Variants in ANGPTL7 observed in about 807,000 individuals in gnomAD.
The protein encoded by ANGPTL7 is angiopoietin like 7, also known as angiopoietin-related protein 7.
Under a neutral mutation model 38.8 loss-of-function variants are expected in ANGPTL7, and 37 were observed. That is an observed-to-expected ratio of 0.95 (90% CI 0.73 to 1.25). The LOEUF is 1.25. ANGPTL7 is among the 50% of genes most tolerant of loss of function. The pLI, the probability that ANGPTL7 is intolerant of heterozygous loss-of-function variation, is 0.00. For missense variants in ANGPTL7, 427 were observed against 438.6 expected (o/e 0.97, Z 0.24); for synonymous variants, 166 against 163.2 (o/e 1.02, Z -0.13).
Position 11,189,867 on chromosome 1 carries a change from A to G in ANGPTL7, c.288A>G (p.Thr96=). Residue 96 remains threonine, a synonymous_variant, in exon 1 of 5, where the codon ACA becomes ACG. Transcript: ENST00000376819. ...GCAAGCGCATGGAGTCGCGGCTCAC[A>G]GATGCTGAGAGCAAGTACTCCGAGA... ...SNSKRMESRL[T]DAESKYSEMN... 1 of 1,614,202 alleles carries G rather than the reference A, an allele frequency of 6.2e-7. No homozygotes were observed. The highest frequency in any genetic ancestry group is 1.1e-5 in the South Asian group (1 of 91,084).
rs562077131 is a variant in ANGPTL7, at chr1:11,195,420, G to A, written c.*397G>A. On this transcript the variant is annotated 3_prime_UTR_variant, in exon 5 of 5. Coordinates refer to ENST00000376819, the MANE Select transcript of ANGPTL7 (RefSeq NM_021146.4). ...AAAACACAAATCCCTTTGCTAAAAA[G>A]AACCATATTATTTTGATTCTCAAAG... The A allele has an allele frequency of 5.9e-4, 97 of 164,720 alleles. No homozygotes were observed. Among genetic ancestry groups the A allele is most frequent in the Non-Finnish European group, 1.1e-3 (82 of 75,684 alleles). The allele number at this position is 164,720 out of a possible 1,614,324, so 10.2% of individuals were successfully genotyped here. A position where few individuals can be genotyped will look rare whatever the true frequency, so the allele number is the denominator to read the frequency against.
At chr1:11,191,283 T>TA (rs1645520925) in intron 1 of ANGPTL7, among the ~76,000 whole-genome samples, 1 of 152,200 alleles carries the variant, frequency 6.6e-6, no homozygotes, top group Non-Finnish European at 1.5e-5. Context: ...TATAAGTAGG[T>TA]AGTCCCTTAG....
In ANGPTL7 at chr1:11,194,590, A is replaced by G; in HGVS notation, c.802A>G (p.Asn268Asp). The change falls in exon 4 of 5, where the codon AAC (asparagine) becomes GAC (aspartate). Residue 268 changes from asparagine (N) to aspartate (D), a missense_variant. Coordinates refer to ENST00000376819, the MANE Select transcript of ANGPTL7 (RefSeq NM_021146.4). ...VGNDALQYHN[N>D]TAFSTKDKDN... is the part of the protein sequence containing the mutation. ...GAACGACGCCCTCCAGTATCATAAC[A>G]ACACAGCCTTCAGCACCAAGGACAA... 1 of 1,614,198 alleles carries G rather than the reference A, an allele frequency of 6.2e-7. No homozygotes were observed. Among genetic ancestry groups the G allele is most frequent in the Non-Finnish European group, 8.5e-7 (1 of 1,180,026 alleles).
chr1:11,193,746 A>C lies in ANGPTL7; in HGVS notation c.644A>C (p.Gln215Pro). 3 of 1,614,138 alleles carry C rather than the reference A, an allele frequency of 1.9e-6. No homozygotes were observed. Among genetic ancestry groups the C allele is most frequent in the Non-Finnish European group, 1.7e-6 (2 of 1,180,008 alleles). ...GNEHIHRLSR[Q>P]PTRLRVEMED... ...GAACACATCCACCGGCTCTCCAGAC[A>C]GCCAACCCGGCTGCGTGTAGAGATG... The change falls in exon 3 of 5, where the codon CAG (glutamine) becomes CCG (proline). Residue 215 changes from glutamine to proline, a missense_variant. Gln to Pro is a moderately conservative substitution (Grantham distance 76). Transcript: ENST00000376819.
chr1:11,194,667 T>G lies in ANGPTL7; in HGVS notation c.871+8T>G. 1.2e-6 allele frequency: 2 copies of G among 1,614,024 alleles called. No homozygotes were observed. Among genetic ancestry groups the G allele is most frequent in the Non-Finnish European group, 1.7e-6 (2 of 1,179,972 alleles). On this transcript the variant is annotated splice_region_variant and intron_variant, in intron 4 of 4. Coordinates refer to ENST00000376819, the MANE Select transcript of ANGPTL7 (RefSeq NM_021146.4). ...GTGCACAGCTCCGCAAAGGTGAGAT[T>G]TGGGGGGACCGGAAAGGAGAAGTTC... is the stretch of plus-strand genomic sequence containing the variant.
Position 11,194,996 on chromosome 1 carries a change from A to T in ANGPTL7, c.1014A>T (p.Lys338Asn), listed in dbSNP as rs1452885551. The T allele has an allele frequency of 1.2e-6, 2 of 1,613,946 alleles. No individual in the cohort carries two copies. Among genetic ancestry groups the T allele is most frequent in the Admixed American group, 1.7e-5 (1 of 60,010 alleles). Residue 338 changes from lysine to asparagine, a missense_variant, in exon 5 of 5, where the codon AAA becomes AAT. By Grantham distance (94) the Lys-to-Asn change is moderately conservative. Transcript: ENST00000376819. Reference sequence around the variant, plus strand: ...ACTCCCTCAAACGGGTGGAGATGAAAATCCGCCCAGAAGACTTCAAGCCTT... The same window carrying T: ...ACTCCCTCAAACGGGTGGAGATGAATATCCGCCCAGAAGACTTCAAGCCTT... ...STYSLKRVEM[K>N]IRPEDFKP
intron 1 of ANGPTL7, among the ~76,000 whole-genome samples, chr1:11,191,167 T>C (rs978431843): frequency 6.6e-6 from 1 of 152,198 alleles, no homozygotes; most frequent in African/African-American, 2.4e-5. Context: ...AAGGAGGTTC[T>C]TGGGGTCAAG....
At position 11,189,790 on chromosome 1, in the gene ANGPTL7, G is replaced by A; in HGVS notation, c.211G>A (p.Glu71Lys). The A allele has an allele frequency of 1.2e-6, 2 of 1,614,234 alleles. No individual in the cohort carries two copies. Among genetic ancestry groups the A allele is most frequent in the Non-Finnish European group, 1.7e-6 (2 of 1,180,032 alleles). The change falls in exon 1 of 5, where the codon GAG becomes AAG. Residue 71 changes from glutamate to lysine, a missense_variant. Transcript: ENST00000376819. ...SLLSELNKKQ[E>K]RDWVSVVMQV... ...GCTGAGTGAACTGAACAAGAAGCAGGAGAGGGACTGGGTCAGCGTGGTCAT... is the reference window on the plus strand; with the variant it reads ...GCTGAGTGAACTGAACAAGAAGCAGAAGAGGGACTGGGTCAGCGTGGTCAT...
chr1:11,194,741 G>A (rs2100726620), intron 4 of ANGPTL7, 82 bp downstream of exon 4: 1 of 1,601,720 alleles, frequency 6.2e-7, no homozygotes, highest in South Asian at 1.1e-5. Flanking sequence ...AATTATAACT[G>A]TACAGTTGAT....
Position 11,193,629 on chromosome 1 carries a change from G to A in ANGPTL7, c.527G>A (p.Arg176Lys), listed in dbSNP as rs759931399. ...GGCGGAGGCTGGACCATCATCCAGA[G>A]ACGAAAAAGTGGCCTTGTCTCCTTC... ...TSGGGWTIIQ[R>K]RKSGLVSFYR... The change falls in exon 3 of 5, where the codon AGA (arginine) becomes AAA (lysine). Residue 176 changes from arginine to lysine, a missense_variant. By Grantham distance (26) the Arg-to-Lys change is conservative. Transcript: ENST00000376819. 16 of 1,612,720 alleles carry A rather than the reference G, an allele frequency of 9.9e-6. No individual in the cohort carries two copies. Among genetic ancestry groups the A allele is most frequent in the Non-Finnish European group, 1.4e-5 (16 of 1,179,278 alleles).
intron 1 of ANGPTL7, among the ~76,000 whole-genome samples, chr1:11,190,616 T>C (rs1645489942): frequency 1.3e-5 from 2 of 152,204 alleles, no homozygotes; most frequent in Non-Finnish European, 2.9e-5. Flanking sequence ...AATGCTGAAA[T>C]ATAGACTTAA....
rs891725948 is a variant in ANGPTL7, at chr1:11,195,451, G to A, written c.*428G>A. The A allele has an allele frequency of 1.9e-5, 3 of 158,550 alleles. No individual in the cohort carries two copies. The highest frequency in any genetic ancestry group is 1.9e-4 in the East Asian group (1 of 5,392). The allele number at this position is 158,550 out of a possible 1,614,324, so 9.8% of individuals were successfully genotyped here. A position where few individuals can be genotyped will look rare whatever the true frequency, so the allele number is the denominator to read the frequency against. On this transcript the variant is annotated 3_prime_UTR_variant, in exon 5 of 5. Transcript: ENST00000376819. ...TATTATTTTGATTCTCAAAGGATAG[G>A]CCTTTGAGTGTTAGAGAAAGGAGTG...
intron 3 of ANGPTL7, 93 bp from the exon 4 acceptor site, chr1:11,194,368 T>C: frequency 8.5e-7 from 1 of 1,176,474 alleles, no homozygotes; most frequent in African/African-American, 1.5e-5. Flanking sequence ...TAAAAAGATG[T>C]TTGGCTATGG....
chr1:11,193,731 A>G lies in ANGPTL7; in HGVS notation c.629A>G (p.His210Arg), dbSNP rs558372325. The G allele has an allele frequency of 3.7e-6, 6 of 1,614,052 alleles. No homozygotes were observed. The African/African-American group carries it at 6.7e-5, about 18-fold the overall frequency. Residue 210 changes from histidine (H) to arginine (R), a missense_variant, in exon 3 of 5, where the codon CAC (histidine) becomes CGC (arginine). His to Arg is a conservative substitution (Grantham distance 29). Coordinates refer to ENST00000376819, the MANE Select transcript of ANGPTL7 (RefSeq NM_021146.4). Reference sequence around the variant, plus strand: ...TTCTGGCTGGGGAACGAACACATCCACCGGCTCTCCAGACAGCCAACCCGG... The same window carrying G: ...TTCTGGCTGGGGAACGAACACATCCGCCGGCTCTCCAGACAGCCAACCCGG... ...GDFWLGNEHI[H>R]RLSRQPTRLR...
At chr1:11,191,450 G>A (rs1645527811) in intron 1 of ANGPTL7, among the ~76,000 whole-genome samples, 1 of 151,998 alleles carries the variant, frequency 6.6e-6, no homozygotes, top group African/African-American at 2.4e-5. Flanking sequence ...CCTCTCTAAG[G>A]TCCCAGTGCA....
intron 2 of ANGPTL7, 121 bp from the exon 3 acceptor site, chr1:11,193,459 G>A (rs1645631275): frequency 5.9e-6 from 5 of 842,454 alleles, no homozygotes; most frequent in Non-Finnish European, 9.0e-6. Context: ...GAGCCAGTGT[G>A]ACTGCGGGAG....
In ANGPTL7 at chr1:11,189,463, G is replaced by A. The variant is rs114009413; in HGVS notation, c.-117G>A. The A allele has an allele frequency of 2.0e-4, 249 of 1,220,494 alleles. 1 individual carries two copies. In the African/African-American group the frequency reaches 3.1e-3, roughly 15 times the overall value. 75.6% of individuals were successfully genotyped at this position (1,220,494 alleles called of 1,614,324 possible). Reference sequence around the variant, plus strand: ...GAAAGAGAGAAAACAACAAAGTGGCGAGGCCCTCAGAGTGAAAGCGTAAGG... The same window carrying A: ...GAAAGAGAGAAAACAACAAAGTGGCAAGGCCCTCAGAGTGAAAGCGTAAGG... On this transcript the variant is annotated 5_prime_UTR_variant, in exon 1 of 5. Transcript: ENST00000376819.
intron 1 of ANGPTL7, among the ~76,000 whole-genome samples, chr1:11,190,763 T>C (rs1042811978): frequency 1.3e-5 from 2 of 152,190 alleles, no homozygotes; most frequent in African/African-American, 4.8e-5. Flanking sequence ...CAGGAAAATA[T>C]TAGTTGTAAG....
intron 1 of ANGPTL7, among the ~76,000 whole-genome samples, chr1:11,191,686 T>A (rs1645537082): frequency 6.6e-6 from 1 of 152,208 alleles, no homozygotes; most frequent in Non-Finnish European, 1.5e-5. Flanking sequence ...ACAAAACTTC[T>A]GGGAGGAAGG....
Sources: gnomAD v4.1 joint callset for allele counts (sites outside exome capture counted in the v4.1 genomes callset) on GRCh38, gnomAD v4.1.1 for gene constraint, MANE v1.5 for transcripts, NCBI Gene and HGNC (gene_info 2026-07-23, HGNC 2026-07-21) for gene names.